Variants in APP observed in about 807,000 individuals in gnomAD.
APP encodes amyloid-beta precursor protein.
In APP, 31 loss-of-function variants were observed where a neutral mutation model predicts 101.4. That is an observed-to-expected ratio of 0.31 (90% CI 0.23 to 0.41). The LOEUF (loss-of-function observed/expected upper bound fraction) is 0.41, where lower values mean the gene tolerates loss of function less well. Ranked by LOEUF, APP falls within the 10% of genes least tolerant of loss-of-function variation. The probability of loss-of-function intolerance (pLI) is 1.00; values close to 1 mark genes in which losing one functional copy is unlikely to be tolerated. For synonymous variants in APP, 366 were observed against 364.4 expected (o/e 1.00, Z -0.05); for missense variants, 839 against 1,003.7 (o/e 0.84, Z 2.22).
chr21:25,890,578 T>TAAAAAC (rs1478086618), intron 17 of APP, among the ~76,000 whole-genome samples: 2 of 151,954 alleles, frequency 1.3e-5, no homozygotes, highest in Non-Finnish European at 2.9e-5. Context: ...CTGTCTCTAC[T>TAAAAAC]AAAAACAAAA....
intron 5 of APP, among the ~76,000 whole-genome samples, chr21:26,045,469 G>A (rs1050436902): frequency 6.6e-6 from 1 of 151,980 alleles, no homozygotes; most frequent in Admixed American, 6.6e-5. Context: ...ATAAACATGT[G>A]GGTTTACCAT....
At chr21:25,960,138 C>G (rs1342655623) in intron 11 of APP, among the ~76,000 whole-genome samples, 4 of 152,100 alleles carry the variant, frequency 2.6e-5, no homozygotes, top group African/African-American at 4.8e-5. Context: ...AACTTATATG[C>G]CTTCTAAGCT....
chr21:26,116,007 C>T (rs1238990855), intron 1 of APP, among the ~76,000 whole-genome samples: 3 of 152,064 alleles, frequency 2.0e-5, no homozygotes, highest in Non-Finnish European at 2.9e-5. Context: ...TATAACTGGC[C>T]GTTTGTGGTC....
At chr21:26,030,416 T>A (rs537766403) in intron 5 of APP, among the ~76,000 whole-genome samples, 2 of 152,094 alleles carry the variant, frequency 1.3e-5, no homozygotes, top group Non-Finnish European at 2.9e-5. Flanking sequence ...CTGGACTCTG[T>A]AGAAAAATGT....
chr21:25,887,525 A>G (rs1478855826), intron 17 of APP, among the ~76,000 whole-genome samples: 1 of 150,964 alleles, frequency 6.6e-6, no homozygotes, highest in African/African-American at 2.4e-5. Flanking sequence ...TTGAAAAAAA[A>G]AAAAAAAAAA....
chr21:25,969,073 A>G (rs980774442), intron 11 of APP, among the ~76,000 whole-genome samples: 5 of 151,908 alleles, frequency 3.3e-5, no homozygotes, highest in Non-Finnish European at 5.9e-5. Flanking sequence ...AAGGCATTTA[A>G]TTACGCCTGC....
At chr21:25,891,411 A>G (rs1432201401) in intron 17 of APP, among the ~76,000 whole-genome samples, 1 of 149,424 alleles carries the variant, frequency 6.7e-6, no homozygotes, top group Non-Finnish European at 1.5e-5. Context: ...CTTGTGTTTG[A>G]AAAAAAAAAG....
intron 1 of APP, among the ~76,000 whole-genome samples, chr21:26,130,490 T>G (rs1054402501): frequency 6.6e-6 from 1 of 152,236 alleles, no homozygotes; most frequent in African/African-American, 2.4e-5. Flanking sequence ...AACTGTGGCT[T>G]AGAGCTGAGG....
intron 6 of APP, among the ~76,000 whole-genome samples, chr21:26,002,228 T>A (rs919744651): frequency 2.0e-5 from 3 of 152,236 alleles, no homozygotes; most frequent in Admixed American, 6.5e-5. Flanking sequence ...CTGCGGAGTG[T>A]TTGACACCTT....
chr21:26,078,638 A>G (rs1020396966), intron 3 of APP, among the ~76,000 whole-genome samples: 3 of 152,212 alleles, frequency 2.0e-5, no homozygotes, highest in African/African-American at 7.2e-5. Flanking sequence ...AATTATCCAC[A>G]TGGCATAAAC....
intron 3 of APP, among the ~76,000 whole-genome samples, chr21:26,074,966 C>T (rs2061475718): frequency 6.6e-6 from 1 of 152,108 alleles, no homozygotes; most frequent in Non-Finnish European, 1.5e-5. Context: ...TCTGAGATCC[C>T]TATGTTACTT....
chr21:25,918,730 A>G (rs906340901), intron 13 of APP, among the ~76,000 whole-genome samples: 23 of 151,234 alleles, frequency 1.5e-4, no homozygotes, highest in African/African-American at 5.1e-4. Flanking sequence ...GGAGGGTCCT[A>G]CGCCCACGGA....
intron 15 of APP, among the ~76,000 whole-genome samples, chr21:25,898,752 T>C (rs2038245540): frequency 2.0e-5 from 3 of 152,192 alleles, no homozygotes; most frequent in Admixed American, 2.0e-4. Flanking sequence ...TGAACAGGTA[T>C]CACGACCCTA....
chr21:26,091,688 G>T (rs971097413), intron 2 of APP, among the ~76,000 whole-genome samples: 1 of 152,126 alleles, frequency 6.6e-6, no homozygotes, highest in Non-Finnish European at 1.5e-5. Flanking sequence ...AAAGTGATTT[G>T]TCTGAAAGCA....
intron 5 of APP, among the ~76,000 whole-genome samples, chr21:26,030,372 A>C (rs1391780271): frequency 6.6e-6 from 1 of 152,168 alleles, no homozygotes; most frequent in Non-Finnish European, 1.5e-5. Context: ...GGTACTAAAA[A>C]TTTATGTTAA....
chr21:26,082,761 C>G (rs2061622805), intron 3 of APP, among the ~76,000 whole-genome samples: 1 of 152,182 alleles, frequency 6.6e-6, no homozygotes, highest in Admixed American at 6.5e-5. Context: ...CCCCTTCAGG[C>G]CCACTATCAA....
chr21:26,144,774 T>C (rs934600335), intron 1 of APP, among the ~76,000 whole-genome samples: 2 of 152,210 alleles, frequency 1.3e-5, no homozygotes, highest in African/African-American at 4.8e-5. Context: ...AGCATTAATG[T>C]CAACTTGAAA....
chr21:25,988,964 A>G (rs1259755351), intron 8 of APP, among the ~76,000 whole-genome samples: 1 of 152,104 alleles, frequency 6.6e-6, no homozygotes, highest in East Asian at 1.9e-4. Context: ...TCACACTGTG[A>G]TCTATTCTCA....
intron 11 of APP, among the ~76,000 whole-genome samples, chr21:25,974,273 C>T (rs1447446860): frequency 6.6e-6 from 1 of 152,132 alleles, no homozygotes; most frequent in Non-Finnish European, 1.5e-5. Context: ...TATTATTATA[C>T]TTACATGATG....
Sources: allele counts gnomAD v4.1 joint callset (sites outside exome capture counted in the v4.1 genomes callset), GRCh38; gene constraint gnomAD v4.1.1; transcripts MANE v1.5; gene names NCBI Gene and HGNC (gene_info 2026-07-23, HGNC 2026-07-21).